The following SEC61G variants were observed in gnomAD, a reference collection of about 807,000 sequenced individuals.
SEC61G encodes the protein protein transport protein Sec61 subunit gamma.
A neutral mutation model predicts 7.5 loss-of-function variants in SEC61G; 4 were observed. That is an observed-to-expected ratio of 0.54 (90% CI 0.26 to 1.22). The LOEUF (loss-of-function observed/expected upper bound fraction) is 1.22. Ranked by LOEUF, SEC61G falls within the 50% of genes most tolerant of loss-of-function variation. The probability of loss-of-function intolerance (pLI) is 0.12; values close to 1 mark genes in which losing one functional copy is unlikely to be tolerated. For missense variants in SEC61G, 53 were observed against 84.6 expected (o/e 0.63, Z 1.46); for synonymous variants, 24 against 24.4 (o/e 0.98, Z 0.05).
intron 1 of SEC61G, among the ~76,000 whole-genome samples, chr7:54,758,808 A>T (rs1281590328): frequency 6.6e-6 from 1 of 152,182 alleles, no homozygotes; most frequent in Non-Finnish European, 1.5e-5. Context: ...CTCTTCCCAG[A>T]CAGGACTCCA....
chr7:54,758,087 G>C (rs1791556418), intron 1 of SEC61G, among the ~76,000 whole-genome samples: 1 of 152,172 alleles, frequency 6.6e-6, no homozygotes, highest in Admixed American at 6.5e-5. Context: ...CAAGAGCCTA[G>C]AATAGAGGCA....
At chr7:54,758,859 G>T (rs1204629989) in intron 1 of SEC61G, among the ~76,000 whole-genome samples, 1 of 152,196 alleles carries the variant, frequency 6.6e-6, no homozygotes, top group African/African-American at 2.4e-5. Flanking sequence ...TCGGGCAGCA[G>T]GACATCATCT....
At position 54,752,300 on chromosome 7, in the gene SEC61G, G is replaced by GA. The variant is rs961180400; in HGVS notation, c.*110dup. The stretch of plus-strand genomic sequence containing the variant: ...TTAGAAATAGAAAACATCTTGAAAG[G>GA]AAAAAAAAAAACCCACAAAACATAC... On this transcript the variant is annotated 3_prime_UTR_variant, in exon 4 of 4. Coordinates refer to ENST00000352861, the MANE Select transcript of SEC61G (RefSeq NM_014302.4). 15,975 of 456,652 alleles carry GA rather than the reference G, an allele frequency of 0.035. No homozygotes were observed. The highest frequency in any genetic ancestry group is 0.043 in the South Asian group (1,029 of 23,986). 28.3% of individuals were successfully genotyped at this position (456,652 alleles called of 1,614,324 possible).
chr7:54,754,687 T>G (rs1343558852), intron 3 of SEC61G: 1 of 151,886 alleles, frequency 6.6e-6, no homozygotes. Flanking sequence ...TACCTAGTAT[T>G]TAGGAGATTT....
At chr7:54,754,708 A>C (rs1290169106) in intron 3 of SEC61G, 1 of 151,846 alleles carries the variant, frequency 6.6e-6, no homozygotes, top group Non-Finnish European at 1.5e-5. Context: ...ATAGTTTAGA[A>C]ATTTTTTAAA....
chr7:54,756,649 T>C (rs750986923), intron 2 of SEC61G, among the ~76,000 whole-genome samples: 12 of 152,158 alleles, frequency 7.9e-5, no homozygotes, highest in Non-Finnish European at 1.5e-4. Context: ...TGAGACTCTG[T>C]CTGAGTTGAG....
intron 3 of SEC61G, among the ~76,000 whole-genome samples, chr7:54,754,498 CT>C (rs1791470915): frequency 6.6e-6 from 1 of 152,182 alleles, no homozygotes; most frequent in Non-Finnish European, 1.5e-5. Flanking sequence ...GATTTCTGAA[CT>C]GACAAATGAG....
intron 2 of SEC61G, among the ~76,000 whole-genome samples, chr7:54,756,974 CT>C (rs1791531627): frequency 1.0e-5 from 1 of 96,852 alleles, no homozygotes; most frequent in Non-Finnish European, 2.6e-5. Context: ...ACTATATATA[CT>C]ATATACTATA....
rs774968061 is a variant in SEC61G at position 54,755,770 on chromosome 7, TTTAC to T, written c.197+5_197+8del. On this transcript the variant is annotated splice_donor_5th_base_variant and intron_variant, in intron 3 of 3. Transcript: ENST00000352861. ...TTCAATCCTAGTCTATTTCATAAAGTTTACTTACACAATGATGTTATTAATAGGA... is the reference window on the plus strand; with the variant it reads ...TTCAATCCTAGTCTATTTCATAAAGTTTACACAATGATGTTATTAATAGGA... The T allele has an allele frequency of 2.8e-6, 4 of 1,431,364 alleles. No individual in the cohort carries two copies. Among genetic ancestry groups the T allele is most frequent in the African/African-American group, 2.8e-5 (2 of 70,596 alleles). 88.7% of individuals were successfully genotyped at this position (1,431,364 alleles called of 1,614,324 possible).
At position 54,759,150 on chromosome 7, in the gene SEC61G, A is replaced by T. The variant is rs375453828; in HGVS notation, c.-7+8T>A. The T allele has an allele frequency of 5.4e-5, 28 of 518,676 alleles. No individual in the cohort carries two copies. Among genetic ancestry groups the T allele is most frequent in the Non-Finnish European group, 6.2e-5 (16 of 259,720 alleles). The allele number at this position is 518,676 out of a possible 1,614,324, so 32.1% of individuals were successfully genotyped here. ...TTCGCCCGTACCGACCGGTGGGAAGAAACTCACCTACCCAACCGACACCTA... is the reference window on the plus strand; with the variant it reads ...TTCGCCCGTACCGACCGGTGGGAAGTAACTCACCTACCCAACCGACACCTA... On this transcript the variant is annotated splice_region_variant and intron_variant, in intron 1 of 3. Transcript: ENST00000352861.
intron 1 of SEC61G, among the ~76,000 whole-genome samples, chr7:54,758,172 A>C (rs1045402814): frequency 6.6e-6 from 1 of 152,218 alleles, no homozygotes; most frequent in African/African-American, 2.4e-5. Context: ...AGAATGGCTA[A>C]AGGAAGACGC....
At chr7:54,758,567 T>C (rs1027103195) in intron 1 of SEC61G, among the ~76,000 whole-genome samples, 1 of 152,216 alleles carries the variant, frequency 6.6e-6, no homozygotes, top group African/African-American at 2.4e-5. Context: ...TTTCTCAGTA[T>C]TTCACTCAAC....
chr7:54,757,639 A>G (rs1791546856), intron 1 of SEC61G, 45 bp from the exon 2 acceptor site: 1 of 1,474,300 alleles, frequency 6.8e-7, no homozygotes. Context: ...GTTCTCATAC[A>G]ATAAGCACTT....
chr7:54,753,160 G>C (rs1438533619), intron 3 of SEC61G, among the ~76,000 whole-genome samples: 1 of 152,146 alleles, frequency 6.6e-6, no homozygotes, highest in East Asian at 1.9e-4. Flanking sequence ...AGGCATGGTG[G>C]GGTGCAACTG....
intron 1 of SEC61G, among the ~76,000 whole-genome samples, chr7:54,758,692 CAG>C (rs1791572240): frequency 6.6e-6 from 1 of 152,208 alleles, no homozygotes; most frequent in Non-Finnish European, 1.5e-5. Flanking sequence ...CACTCAATGT[CAG>C]GGGTAGAGAT....
chr7:54,753,996 C>T (rs1361268450), intron 3 of SEC61G, among the ~76,000 whole-genome samples: 2 of 152,172 alleles, frequency 1.3e-5, no homozygotes, highest in Non-Finnish European at 2.9e-5. Context: ...TTAACGGATA[C>T]AAGGGGGCTC....
chr7:54,753,809 A>G (rs1238145326), intron 3 of SEC61G, among the ~76,000 whole-genome samples: 7 of 152,210 alleles, frequency 4.6e-5, no homozygotes, highest in East Asian at 1.9e-4. Context: ...TAGCCATGCA[A>G]TCTGAGTAGA....
At chr7:54,754,672 T>C (rs1167283483) in intron 3 of SEC61G, 4 of 151,906 alleles carry the variant, frequency 2.6e-5, no homozygotes, top group Non-Finnish European at 4.4e-5. Context: ...GTACCTGGGA[T>C]AAAATACCTA....
At chr7:54,757,445 G>A (rs562803342) in intron 2 of SEC61G, 50 bp downstream of exon 2, 3 of 1,438,854 alleles carry the variant, frequency 2.1e-6, no homozygotes, top group Admixed American at 1.7e-5. Context: ...CAAACAAAAG[G>A]CTTAGAAAAT....
Sources: allele counts gnomAD v4.1 joint callset (sites outside exome capture counted in the v4.1 genomes callset), GRCh38; gene constraint gnomAD v4.1.1; transcripts MANE v1.5; gene names NCBI Gene and HGNC (gene_info 2026-07-23, HGNC 2026-07-21).